Variants in DOK1 observed in about 807,000 individuals in gnomAD.
DOK1 encodes docking protein 1.
A neutral mutation model predicts 24.0 loss-of-function variants in DOK1; 12 were observed. The ratio of observed to expected loss-of-function variants is 0.50; its 90% CI spans 0.32 to 0.81. The LOEUF is 0.81. Ranked by LOEUF, DOK1 falls within the 30% of genes least tolerant of loss-of-function variation. DOK1 has a pLI of 0.03. For synonymous variants in DOK1, 250 were observed against 260.9 expected, an observed-to-expected ratio of 0.96 and a Z score of 0.40; for missense variants, 591 against 620.7, an observed-to-expected ratio of 0.95 and a Z score of 0.51.
Position 74,556,803 on chromosome 2 carries a change from C to A in DOK1, c.1135C>A (p.Leu379Met). 1 of 1,614,210 alleles carries A rather than the reference C, an allele frequency of 6.2e-7. No homozygotes were observed. The highest frequency in any genetic ancestry group is 1.3e-5 in the African/African-American group (1 of 75,062). The change falls in exon 5 of 5, where the codon CTG becomes ATG. Residue 379 changes from leucine to methionine, a missense_variant. By Grantham distance (15) the Leu-to-Met change is conservative (BLOSUM62 2). Coordinates refer to ENST00000233668, the MANE Select transcript of DOK1 (RefSeq NM_001381.5). The surrounding 1 kb of genome is among the most constrained non-coding windows in gnomAD (Gnocchi z 4.1). ...AGTCCCTCCCCAGGGCCTTTATGATCTGCCTCGGGAGCCCAAGGATGCATG... is the reference window on the plus strand; with the variant it reads ...AGTCCCTCCCCAGGGCCTTTATGATATGCCTCGGGAGCCCAAGGATGCATG... ...APVPPQGLYD[L>M]PREPKDAWWC...
At chr2:74,552,604 G>A (rs761181300), upstream of DOK1, 2 of 1,585,130 alleles carry the variant, frequency 1.3e-6, no homozygotes. Context: ...AGCCCCCAGG[G>A]GCTCCACTGC....
chr2:74,551,154 G>A (rs927026165), upstream of DOK1, among the ~76,000 whole-genome samples: 1 of 152,130 alleles, frequency 6.6e-6, no homozygotes, highest in African/African-American at 2.4e-5. Context: ...GGCTGGTCTC[G>A]AACTCCTGAC....
At chr2:74,549,869 TGAA>T (rs1297320612), upstream of DOK1, 1 of 985,246 alleles carries the variant, frequency 1.0e-6, no homozygotes, top group Non-Finnish European at 1.2e-6. This position sits in a 1 kb window ranked among gnomAD's most constrained non-coding sequence, Gnocchi z 5.3. Flanking sequence ...GAAATGGCTT[TGAA>T]GGAGGAGAAA....
chr2:74,557,286 A>G lies in DOK1; in HGVS notation c.*172A>G, dbSNP rs10194923. The G allele has an allele frequency of 6.5e-3, 4,391 of 674,774 alleles. 158 individuals are homozygous for G. In the African/African-American group the frequency reaches 0.07, roughly 11 times the overall value. 41.8% of individuals were successfully genotyped at this position (674,774 alleles called of 1,614,324 possible). On this transcript the variant is annotated 3_prime_UTR_variant, in exon 5 of 5. Transcript: ENST00000233668. ...GGGAAGGACAATCCCAGGAAGTCCT[A>G]AGAAGTGGGGCAGATGGCAGGGCTG...
chr2:74,552,495 G>A, upstream of DOK1: 2 of 1,613,580 alleles, frequency 1.2e-6, no homozygotes, highest in Non-Finnish European at 1.7e-6. Context: ...GGGGAAGCCA[G>A]CCAGCCGGAA....
chr2:74,555,005 G>A lies in DOK1; in HGVS notation c.61-149G>A. 1 of 1,360,928 alleles carries A rather than the reference G, an allele frequency of 7.3e-7. No homozygotes were observed. Among genetic ancestry groups the A allele is most frequent in the South Asian group, 1.3e-5 (1 of 76,988 alleles). The allele number at this position is 1,360,928 out of a possible 1,614,324, so 84.3% of individuals were successfully genotyped here. ...TAGGGGTTCTGGTCCTGGGGAGACG[G>A]AGTGGCATCGTCCTTGGGAAACTTC... On this transcript the variant is annotated intron_variant, in intron 1 of 4. Coordinates refer to ENST00000233668, the MANE Select transcript of DOK1 (RefSeq NM_001381.5). The surrounding 1 kb of genome is among the most constrained non-coding windows in gnomAD (Gnocchi z 6.1).
At chr2:74,552,659 G>A (rs770894332), upstream of DOK1, 3 of 1,509,668 alleles carry the variant, frequency 2.0e-6, no homozygotes, top group Non-Finnish European at 2.7e-6. Flanking sequence ...GGGTGCCCCA[G>A]AGACAAAGTG....
chr2:74,552,416 G>C (rs1677073530), upstream of DOK1: 9 of 1,613,698 alleles, frequency 5.6e-6, no homozygotes, highest in African/African-American at 1.3e-5. Flanking sequence ...GCAGCGTGAA[G>C]TCATCATCGC....
At chr2:74,553,351 A>G (rs1466002085), upstream of DOK1, among the ~76,000 whole-genome samples, 5 of 152,316 alleles carry the variant, frequency 3.3e-5, no homozygotes, top group African/African-American at 1.2e-4. Context: ...GCCCTCCCCA[A>G]CACGCAGGCT....
upstream of DOK1, chr2:74,552,634 T>G: frequency 1.9e-6 from 3 of 1,547,630 alleles, no homozygotes; most frequent in Non-Finnish European, 2.6e-6. Context: ...ACAGGTCGCA[T>G]GGCAGGGAAG....
upstream of DOK1, among the ~76,000 whole-genome samples, chr2:74,551,170 G>A (rs941610134): frequency 1.3e-5 from 2 of 152,166 alleles, no homozygotes; most frequent in Admixed American, 1.3e-4. Context: ...CTGACCTCAG[G>A]TGATCCACCC....
At chr2:74,550,752 G>A (rs1358022289), upstream of DOK1, among the ~76,000 whole-genome samples, 3 of 152,106 alleles carry the variant, frequency 2.0e-5, no homozygotes, top group Non-Finnish European at 4.4e-5. Context: ...AAGAAACTGG[G>A]GTTTAGAGAA....
At position 74,549,472 on chromosome 2, in the gene DOK1, A is replaced by G; in HGVS notation, c.-358+300A>G. The G allele has an allele frequency of 6.2e-7, 1 of 1,613,318 alleles. No homozygotes were observed. Among genetic ancestry groups the G allele is most frequent in the Non-Finnish European group, 8.5e-7 (1 of 1,179,778 alleles). On this transcript the variant is annotated intron_variant, in intron 1 of 4. Coordinates refer to the DOK1 transcript ENST00000409429. The surrounding 1 kb of genome is among the most constrained non-coding windows in gnomAD (Gnocchi z 5.3). ...CAGCCTTTGTCGCACACTTGCGACC[A>G]GCCGTCAGGAAGCCTGACTTCCACC...
chr2:74,557,183 G>T lies in DOK1; in HGVS notation c.*69G>T. On this transcript the variant is annotated 3_prime_UTR_variant, in exon 5 of 5. Coordinates refer to ENST00000233668, the MANE Select transcript of DOK1 (RefSeq NM_001381.5). ...GTGGCACTAGGGATCAAAGAAGATGGTTAGAACCAGCAGAAGCCAGAGGGT... is the reference window on the plus strand; with the variant it reads ...GTGGCACTAGGGATCAAAGAAGATGTTTAGAACCAGCAGAAGCCAGAGGGT... 2 of 1,493,290 alleles carry T rather than the reference G, an allele frequency of 1.3e-6. No individual in the cohort carries two copies. The highest frequency in any genetic ancestry group is 9.0e-7 in the Non-Finnish European group (1 of 1,106,690). The allele number at this position is 1,493,290 out of a possible 1,614,324, so 92.5% of individuals were successfully genotyped here.
In DOK1 at chr2:74,556,343, C is replaced by T; in HGVS notation, c.675C>T (p.Pro225=). Residue 225 remains proline, a synonymous_variant, in exon 5 of 5, where the codon CCC becomes CCT. Transcript: ENST00000233668. This position sits in a 1 kb window ranked among gnomAD's most constrained non-coding sequence, Gnocchi z 4.1. ...CTTTCGAGGCCGGCCGCCGCTGCCC[C>T]TCAGGCCCTGGAACCTTCACCTTCC... ...MFSFEAGRRC[P]SGPGTFTFQT... The T allele has an allele frequency of 1.2e-6, 2 of 1,613,526 alleles. No homozygotes were observed. The highest frequency in any genetic ancestry group is 1.7e-6 in the Non-Finnish European group (2 of 1,179,806).
At chr2:74,550,357 G>T, upstream of DOK1, 2 of 1,612,326 alleles carry the variant, frequency 1.2e-6, no homozygotes, top group Non-Finnish European at 1.7e-6. Flanking sequence ...GCCTGTGGAA[G>T]GGGAGATGAA....
upstream of DOK1, chr2:74,552,367 C>G (rs1271526877): frequency 6.2e-7 from 1 of 1,611,444 alleles, no homozygotes; most frequent in South Asian, 1.1e-5. Context: ...CCTGTGGCCT[C>G]TGTGAAGCCC....
At chr2:74,553,123 T>C (rs138239030), upstream of DOK1, 2,470 of 156,150 alleles carry the variant, frequency 0.016, 27 homozygotes, top group Non-Finnish European at 0.023. Flanking sequence ...AGGAGAGGGA[T>C]TGACAAGAGC....
upstream of DOK1, among the ~76,000 whole-genome samples, chr2:74,553,245 T>C (rs1199756800): frequency 6.6e-6 from 1 of 151,924 alleles, no homozygotes; most frequent in East Asian, 1.9e-4. Flanking sequence ...GGCCCTGGGA[T>C]CACAGATCCC....
Sources: gnomAD v4.1 joint callset for allele counts (sites outside exome capture counted in the v4.1 genomes callset) on GRCh38, gnomAD v4.1.1 for gene constraint, Gnocchi (gnomAD v3.1) non-coding constraint, MANE v1.5 for transcripts, NCBI Gene and HGNC (gene_info 2026-07-23, HGNC 2026-07-21) for gene names.